SEMA3E: variants seen among roughly 807,000 people sequenced by gnomAD.
SEMA3E encodes the protein semaphorin 3E, also known as semaphorin-3E.
SEMA3E carries 49 observed loss-of-function variants against 93.6 expected under a neutral mutation model. The observed-to-expected ratio is 0.52, with a 90% CI of 0.42 to 0.66. The LOEUF (loss-of-function observed/expected upper bound fraction) is 0.66, where lower values mean the gene tolerates loss of function less well. Ranked by LOEUF, SEMA3E falls within the 30% of genes least tolerant of loss-of-function variation. The pLI is 0.00. For synonymous variants in SEMA3E, 363 were observed against 330.7 expected (o/e 1.10, Z -1.06); for missense variants, 906 against 964.8 (o/e 0.94, Z 0.81).
At chr7:83,459,697 TCGCATC>T (rs1487302379) in intron 4 of SEMA3E, among the ~76,000 whole-genome samples, 2 of 152,192 alleles carry the variant, frequency 1.3e-5, no homozygotes, top group East Asian at 3.9e-4. Context: ...AGCCAAGCCA[TCGCATC>T]CCCTGTGACT....
intron 4 of SEMA3E, among the ~76,000 whole-genome samples, chr7:83,429,773 C>T (rs867980686): frequency 6.6e-6 from 1 of 152,108 alleles, no homozygotes; most frequent in Non-Finnish European, 1.5e-5. Flanking sequence ...CATGATAATA[C>T]TCATAGCTGT....
rs1788109158 is a variant in SEMA3E at position 83,395,880 on chromosome 7, A to G, written c.1458+758T>C. Among the ~76,000 whole-genome samples the G allele has an allele frequency of 2.0e-5, 3 of 152,182 alleles. No individual in the cohort carries two copies. In the South Asian group the frequency reaches 6.2e-4, roughly 31 times the overall value. On this transcript the variant is annotated intron_variant, in intron 12 of 16. Transcript: ENST00000643230. ...ATAAGGTGTCTTTAAACACAAACAC[A>G]CATAAAAGAAGGTTACGTATTGATC...
chr7:83,423,791 A>G (rs1293336556), intron 4 of SEMA3E, among the ~76,000 whole-genome samples: 1 of 151,876 alleles, frequency 6.6e-6, no homozygotes, highest in Non-Finnish European at 1.5e-5. Context: ...GATTACAGGC[A>G]TGAGCCACTG....
intron 4 of SEMA3E, among the ~76,000 whole-genome samples, chr7:83,428,746 AT>A (rs1301919936): frequency 4.6e-5 from 7 of 152,252 alleles, no homozygotes; most frequent in Admixed American, 6.5e-5. Context: ...GCGTTTTAAC[AT>A]TTTTTTCTCT....
intron 1 of SEMA3E, among the ~76,000 whole-genome samples, chr7:83,642,355 T>G (rs1219494794): frequency 1.3e-5 from 2 of 152,164 alleles, no homozygotes; most frequent in African/African-American, 2.4e-5. Flanking sequence ...TCAGTTGTCT[T>G]GGCCACCATA....
chr7:83,385,229 C>A, intron 16 of SEMA3E, 65 bp downstream of exon 16: 2 of 1,553,868 alleles, frequency 1.3e-6, no homozygotes, highest in South Asian at 1.2e-5. Context: ...CCAAATAAAT[C>A]ATCTATTTAC....
intron 2 of SEMA3E, among the ~76,000 whole-genome samples, chr7:83,477,476 C>T (rs988031827): frequency 2.0e-5 from 3 of 152,082 alleles, no homozygotes; most frequent in African/African-American, 4.8e-5. Flanking sequence ...AATCTTTAAC[C>T]TGACACACAT....
At chr7:83,490,398 C>T (rs1039593782) in intron 1 of SEMA3E, 124 bp from the exon 2 acceptor site, 22 of 887,176 alleles carry the variant, frequency 2.5e-5, no homozygotes, top group Non-Finnish European at 3.9e-5. Context: ...TTTTATCATA[C>T]ATATACTGGC....
intron 15 of SEMA3E, among the ~76,000 whole-genome samples, chr7:83,386,421 C>T (rs1787882347): frequency 6.6e-6 from 1 of 152,108 alleles, no homozygotes. Context: ...GAAGTTCTTT[C>T]TTATATTCCT....
intron 1 of SEMA3E, among the ~76,000 whole-genome samples, chr7:83,639,904 C>T (rs745363991): frequency 7.3e-5 from 11 of 151,688 alleles, no homozygotes; most frequent in Non-Finnish European, 1.5e-4. Context: ...AGAAAGGAGC[C>T]CTACATTTCT....
chr7:83,405,629 G>A (rs1397659728), intron 8 of SEMA3E, 110 bp from the exon 9 acceptor site: 1 of 892,114 alleles, frequency 1.1e-6, no homozygotes, highest in Non-Finnish European at 1.8e-6. Context: ...TTTGAGATGT[G>A]TATTTTCATA....
At chr7:83,535,747 AG>A (rs1470334809) in intron 1 of SEMA3E, among the ~76,000 whole-genome samples, 1 of 152,144 alleles carries the variant, frequency 6.6e-6, no homozygotes, top group Non-Finnish European at 1.5e-5. Context: ...TGTTAACAAG[AG>A]GTTAGAAAAT....
chr7:83,549,224 AT>A (rs780194694), intron 1 of SEMA3E, among the ~76,000 whole-genome samples: 2 of 152,114 alleles, frequency 1.3e-5, no homozygotes, highest in Non-Finnish European at 2.9e-5. Context: ...TTTAATTGAC[AT>A]TATACTTTAA....
chr7:83,625,768 A>T (rs756597661), intron 1 of SEMA3E, among the ~76,000 whole-genome samples: 2 of 151,842 alleles, frequency 1.3e-5, no homozygotes, highest in Non-Finnish European at 2.9e-5. Flanking sequence ...GAGAGAGGTC[A>T]TCTTTGTCTT....
At chr7:83,402,554 G>C in intron 10 of SEMA3E, 78 bp downstream of exon 10, 1 of 1,334,526 alleles carries the variant, frequency 7.5e-7, no homozygotes, top group Non-Finnish European at 1.1e-6. Flanking sequence ...TATCTGCAAA[G>C]TCTTATGAAA....
At chr7:83,565,098 T>A (rs997990249) in intron 1 of SEMA3E, among the ~76,000 whole-genome samples, 1 of 151,988 alleles carries the variant, frequency 6.6e-6, no homozygotes, top group Non-Finnish European at 1.5e-5. Flanking sequence ...AAATCTAGAA[T>A]AAATGGATAA....
At chr7:83,617,339 C>A (rs1048998069) in intron 1 of SEMA3E, among the ~76,000 whole-genome samples, 2 of 149,712 alleles carry the variant, frequency 1.3e-5, no homozygotes, top group Non-Finnish European at 3.0e-5. Flanking sequence ...CTAACCCCAC[C>A]AAATATTTTT....
intron 1 of SEMA3E, among the ~76,000 whole-genome samples, chr7:83,586,672 A>G (rs938344688): frequency 2.6e-5 from 4 of 151,676 alleles, no homozygotes; most frequent in Admixed American, 2.0e-4. Flanking sequence ...AGAAGAAGGG[A>G]TTATAATAGA....
intron 1 of SEMA3E, among the ~76,000 whole-genome samples, chr7:83,526,646 A>G (rs1791166390): frequency 6.6e-6 from 1 of 152,108 alleles, no homozygotes. Context: ...GTTCTGCCAA[A>G]TCAATTACAC....
Sources: gnomAD v4.1 joint callset for allele counts (sites outside exome capture counted in the v4.1 genomes callset) on GRCh38, gnomAD v4.1.1 for gene constraint, MANE v1.5 for transcripts, NCBI Gene and HGNC (gene_info 2026-07-23, HGNC 2026-07-21) for gene names.